Variants in AGPAT5 observed in about 807,000 individuals in gnomAD.
The protein encoded by AGPAT5 is 1-acyl-sn-glycerol-3-phosphate acyltransferase epsilon.
A neutral mutation model predicts 45.6 loss-of-function variants in AGPAT5; 46 were observed. The ratio of observed to expected loss-of-function variants is 1.01; its 90% confidence interval spans 0.80 to 1.29. AGPAT5 has a LOEUF of 1.29. AGPAT5 is among the 50% of genes most tolerant of loss of function. The pLI is 0.00. For synonymous variants in AGPAT5, 272 were observed against 167.0 expected, an observed-to-expected ratio of 1.63 and a Z score of -4.85; for missense variants, 673 against 450.7, an observed-to-expected ratio of 1.49 and a Z score of -4.47.
At chr8:6,732,724 G>C (rs2116903067) in intron 4 of AGPAT5, 74 bp downstream of exon 4, 1 of 1,260,746 alleles carries the variant, frequency 7.9e-7, no homozygotes, top group Admixed American at 2.8e-5. Context: ...TAAAATCTAA[G>C]AATTGTTTTG....
intron 1 of AGPAT5, among the ~76,000 whole-genome samples, chr8:6,722,489 GAA>G (rs1800536437): frequency 6.6e-6 from 1 of 152,186 alleles, no homozygotes; most frequent in Non-Finnish European, 1.5e-5. Context: ...TTTTAACAAA[GAA>G]TGCTGTATAT....
intron 1 of AGPAT5, among the ~76,000 whole-genome samples, chr8:6,719,012 T>C (rs1384328700): frequency 6.6e-6 from 1 of 152,248 alleles, no homozygotes; most frequent in Non-Finnish European, 1.5e-5. Flanking sequence ...TATAACAGGC[T>C]ATGAATGAGT....
At chr8:6,729,656 C>A (rs1207175416) in intron 2 of AGPAT5, among the ~76,000 whole-genome samples, 6 of 152,162 alleles carry the variant, frequency 3.9e-5, no homozygotes, top group African/African-American at 1.4e-4. Flanking sequence ...CCTCTGTTTC[C>A]CATCTTCTGC....
intron 2 of AGPAT5, among the ~76,000 whole-genome samples, chr8:6,727,924 G>T (rs1800741091): frequency 6.6e-6 from 1 of 152,142 alleles, no homozygotes; most frequent in South Asian, 2.1e-4. Context: ...CTCCTTTCAG[G>T]CACCTTACAG....
intron 5 of AGPAT5, among the ~76,000 whole-genome samples, chr8:6,742,590 A>G (rs1353602646): frequency 6.6e-6 from 1 of 152,202 alleles, no homozygotes; most frequent in Non-Finnish European, 1.5e-5. Flanking sequence ...AAAGTTCTTC[A>G]TCTGTTCTGT....
intron 6 of AGPAT5, among the ~76,000 whole-genome samples, chr8:6,753,178 T>A (rs2912082): frequency 0.25 from 38,480 of 152,146 alleles, 5,548 homozygotes; most frequent in African/African-American, 0.39. Context: ...TGCTTTTGTC[T>A]CAGCAGCACT....
intron 2 of AGPAT5, among the ~76,000 whole-genome samples, chr8:6,726,027 G>C (rs1251485421): frequency 6.6e-6 from 1 of 152,232 alleles, no homozygotes; most frequent in Non-Finnish European, 1.5e-5. Flanking sequence ...AAGGGTTGAA[G>C]CTACAAGGGG....
rs567571297 is a variant in AGPAT5 at position 6,732,777 on chromosome 8, C to G, written c.495+127C>G. On this transcript the variant is annotated intron_variant, in intron 4 of 7. Transcript: ENST00000285518. Reference sequence around the variant, plus strand: ...GTGTAATTACTAATTCAGGGTTATGCTGAGGTAACAGAAACCCTCTATGTA... The same window carrying G: ...GTGTAATTACTAATTCAGGGTTATGGTGAGGTAACAGAAACCCTCTATGTA... 2.1e-5 allele frequency: 18 copies of G among 869,802 alleles called. No individual in the cohort carries two copies. The East Asian group carries it at 5.3e-4, about 26-fold the overall frequency. The allele number at this position is 869,802 out of a possible 1,614,324, so 53.9% of individuals were successfully genotyped here.
intron 2 of AGPAT5, among the ~76,000 whole-genome samples, chr8:6,729,211 G>C (rs1218838487): frequency 3.3e-5 from 5 of 152,246 alleles, no homozygotes; most frequent in African/African-American, 1.2e-4. Flanking sequence ...GGGATATTCT[G>C]ACTAGTATGG....
rs1801251906 is a variant in AGPAT5 at position 6,741,746 on chromosome 8, A to T, written c.581A>T (p.Gln194Leu). ...TCAGCTAGTCAGGCATTTGCTGCCC[A>T]ACGTGGTAAGTAAAAATTTGAGTGT... is the stretch of plus-strand genomic sequence containing the variant. Reference protein sequence around the residue: ...VLSASQAFAAQRGLAVLKHVL... With the variant: ...VLSASQAFAALRGLAVLKHVL... Residue 194 changes from glutamine to leucine, a missense_variant, in exon 5 of 8, where the codon CAA (glutamine) becomes CTA (leucine). Coordinates refer to ENST00000285518, the MANE Select transcript of AGPAT5 (RefSeq NM_018361.5). 6.2e-7 allele frequency: 1 copy of T among 1,610,584 alleles called. No individual in the cohort carries two copies. The highest frequency in any genetic ancestry group is 1.3e-5 in the African/African-American group (1 of 74,978).
At chr8:6,714,799 A>G (rs1279674303) in intron 1 of AGPAT5, among the ~76,000 whole-genome samples, 1 of 152,208 alleles carries the variant, frequency 6.6e-6, no homozygotes, top group African/African-American at 2.4e-5. Context: ...ACCTATGGGG[A>G]TACCTCTGTG....
At position 6,760,384 on chromosome 8, in the gene AGPAT5, C is replaced by T. The variant is rs948604290; in HGVS notation, c.*2996C>T. On this transcript the variant is annotated 3_prime_UTR_variant, in exon 8 of 8. Transcript: ENST00000285518. ...CTGCACTACAGCCTAGGTAACAGCACGAGACCCCAACTCTTAGAAAATGAA... is the reference window on the plus strand; with the variant it reads ...CTGCACTACAGCCTAGGTAACAGCATGAGACCCCAACTCTTAGAAAATGAA... Among the ~76,000 whole-genome samples, 3 of 151,906 alleles carry T rather than the reference C, an allele frequency of 2.0e-5. No individual in the cohort carries two copies. The highest frequency in any genetic ancestry group is 7.3e-5 in the African/African-American group (3 of 41,296).
In AGPAT5 at chr8:6,760,373, A is replaced by T. The variant is rs567335713; in HGVS notation, c.*2985A>T. On this transcript the variant is annotated 3_prime_UTR_variant, in exon 8 of 8. Transcript: ENST00000285518. ...TGGACATACCACTGCACTACAGCCT[A>T]GGTAACAGCACGAGACCCCAACTCT... 4.5e-4 allele frequency among the ~76,000 whole-genome samples: 68 copies of T among 152,284 alleles called. 2 individuals carry two copies. The highest frequency in any genetic ancestry group is 8.1e-4 in the Non-Finnish European group (55 of 68,022).
chr8:6,708,667 A>G lies in AGPAT5; in HGVS notation c.-2A>G, dbSNP rs1414128532. The G allele has an allele frequency of 1.3e-6, 2 of 1,568,284 alleles. No homozygotes were observed. The highest frequency in any genetic ancestry group is 2.3e-5 in the South Asian group (2 of 87,754). On this transcript the variant is annotated 5_prime_UTR_variant, in exon 1 of 8. Coordinates refer to ENST00000285518, the MANE Select transcript of AGPAT5 (RefSeq NM_018361.5). ...GGAGCTCGCTGCCGCCGAGCTGAGA[A>G]GATGCTGCTGTCCCTGGTGCTCCAC...
rs763026535 is a variant in AGPAT5 at position 6,724,878 on chromosome 8, A to C, written c.228A>C (p.Leu76=). 2 of 1,048,188 alleles carry C rather than the reference A, an allele frequency of 1.9e-6. No individual in the cohort carries two copies. Among genetic ancestry groups the C allele is most frequent in the Non-Finnish European group, 2.6e-6 (2 of 772,786 alleles). 64.9% of individuals were successfully genotyped at this position (1,048,188 alleles called of 1,614,324 possible). The stretch of plus-strand genomic sequence containing the variant: ...TTTGTTTTATCTTTTAGATATTGCT[A>C]TATGGAGATTTGCCAAAAAATAAAG... ...FENYTGVQIL[L]YGDLPKNKEN... is the part of the protein sequence containing the mutation. The change falls in exon 2 of 8, where the codon CTA becomes CTC. Residue 76 remains leucine, a synonymous_variant. Transcript: ENST00000285518.
intron 2 of AGPAT5, among the ~76,000 whole-genome samples, chr8:6,728,055 A>T (rs967001411): frequency 1.5e-4 from 23 of 152,210 alleles, no homozygotes; most frequent in Admixed American, 1.4e-3. Context: ...AGCGCTGCAC[A>T]TGCAGTATCT....
chr8:6,729,464 G>T (rs1487115045), intron 2 of AGPAT5, among the ~76,000 whole-genome samples: 1 of 150,828 alleles, frequency 6.6e-6, no homozygotes, highest in African/African-American at 2.4e-5. Flanking sequence ...TTTTCTTTTC[G>T]AGTATCGTTG....
intron 1 of AGPAT5, among the ~76,000 whole-genome samples, chr8:6,710,279 A>C (rs1035279061): frequency 1.3e-5 from 2 of 152,332 alleles, no homozygotes; most frequent in South Asian, 4.1e-4. Context: ...CTGAAATTGC[A>C]TACCTTACCT....
At position 6,754,114 on chromosome 8, in the gene AGPAT5, C is replaced by T. The variant is rs190324168; in HGVS notation, c.746-937C>T. Among the ~76,000 whole-genome samples the T allele has an allele frequency of 1.8e-3, 274 of 152,302 alleles. 2 individuals carry two copies. Among genetic ancestry groups the T allele is most frequent in the African/African-American group, 6.4e-3 (266 of 41,566 alleles). On this transcript the variant is annotated intron_variant, in intron 6 of 7. Coordinates refer to ENST00000285518, the MANE Select transcript of AGPAT5 (RefSeq NM_018361.5). ...CAGCTCTTAAATCTTAGGAATATTT[C>T]TTTGTTCTTCAAGGAACTTAAATAT...
Sources: gnomAD v4.1 joint callset for allele counts (sites outside exome capture counted in the v4.1 genomes callset) on GRCh38, gnomAD v4.1.1 for gene constraint, MANE v1.5 for transcripts, NCBI Gene and HGNC (gene_info 2026-07-23, HGNC 2026-07-21) for gene names.